Variants in ICE2 observed in about 807,000 individuals in gnomAD.
ICE2 encodes the protein little elongation complex subunit 2.
ICE2 carries 87 observed loss-of-function variants against 105.4 expected under a neutral mutation model. That is an observed-to-expected ratio of 0.83 (90% CI 0.69 to 0.99). The LOEUF (loss-of-function observed/expected upper bound fraction) is 0.99, where lower values mean the gene tolerates loss of function less well. ICE2 is among the 50% of genes least tolerant of loss of function. The probability of loss-of-function intolerance (pLI) is 0.00; values close to 1 mark genes in which losing one functional copy is unlikely to be tolerated. For missense variants in ICE2, 1,323 were observed against 1,146.7 expected, an observed-to-expected ratio of 1.15 and a Z score of -2.22; for synonymous variants, 399 against 392.0, an observed-to-expected ratio of 1.02 and a Z score of -0.21.
chr15:60,459,239 A>C (rs931041208), intron 5 of ICE2, among the ~76,000 whole-genome samples: 1 of 152,206 alleles, frequency 6.6e-6, no homozygotes, highest in African/African-American at 2.4e-5. Flanking sequence ...TTTATTAAAA[A>C]GCATATTTTT....
intron 6 of ICE2, among the ~76,000 whole-genome samples, chr15:60,456,101 TG>T (rs1013456249): frequency 5.3e-5 from 8 of 151,432 alleles, no homozygotes; most frequent in Admixed American, 5.3e-4. Context: ...TTCAGATGGG[TG>T]GTAAGAAAAG....
At chr15:60,454,980 A>G in intron 8 of ICE2, 23 bp downstream of exon 8, 1 of 1,525,872 alleles carries the variant, frequency 6.6e-7, no homozygotes, top group Non-Finnish European at 8.7e-7. Flanking sequence ...TGAGAGCATT[A>G]TTTGACATAG....
At chr15:60,426,887 ATT>A (rs2063350142) in intron 15 of ICE2, among the ~76,000 whole-genome samples, 1 of 152,220 alleles carries the variant, frequency 6.6e-6, no homozygotes, top group Non-Finnish European at 1.5e-5. Flanking sequence ...TTCTTCAATT[ATT>A]TTTGAGTTAC....
At position 60,448,988 on chromosome 15, in the gene ICE2, G is replaced by A. The variant is rs2141061367; in HGVS notation, c.1979C>T (p.Ser660Phe). The change falls in exon 10 of 16, where the codon TCC becomes TTC. Residue 660 changes from serine (S) to phenylalanine (F), a missense_variant. Ser to Phe is a radical substitution (Grantham distance 155). Coordinates refer to ENST00000261520, the MANE Select transcript of ICE2 (RefSeq NM_024611.6). ...TAAGGGCAATTCTGGTACTTTTCTG[G>A]AAATTGGCTTTAAGAGCTCATCCTG... ...KMQDELLKPI[S>F]RKVPELPLMN... 2 of 1,613,986 alleles carry A rather than the reference G, an allele frequency of 1.2e-6. No homozygotes were observed. The highest frequency in any genetic ancestry group is 2.2e-5 in the East Asian group (1 of 44,868).
chr15:60,437,819 CT>C (rs561675107), intron 12 of ICE2: 211 of 141,312 alleles, frequency 1.5e-3, no homozygotes, highest in Non-Finnish European at 1.6e-3. Context: ...TCCCAGCTAT[CT>C]TTTTTTTTTT....
In ICE2 at chr15:60,453,634, T is replaced by C. The variant is rs376651824; in HGVS notation, c.1094A>G (p.Asp365Gly). 1.2e-6 allele frequency: 2 copies of C among 1,613,380 alleles called. No individual in the cohort carries two copies. Among genetic ancestry groups the C allele is most frequent in the African/African-American group, 1.3e-5 (1 of 74,920 alleles). Residue 365 changes from aspartate to glycine, a missense_variant, in exon 9 of 16, where the codon GAC (aspartate) becomes GGC (glycine). Transcript: ENST00000261520. ...TSVPVSAVFM[D>G]KPEEFISEMD... ...TTCAGATATAAACTCTTCAGGTTTG[T>C]CCATAAAGACTGCAGAGACTGGAAC...
rs1003214447 is a variant in ICE2 at position 60,420,370 on chromosome 15, A to G, written c.*3264T>C. ...ATTCTTGCTGCTTTAATTCTGGGCC[A>G]TTGCCATTTTTCAGTTACTACAACA... On this transcript the variant is annotated 3_prime_UTR_variant, in exon 16 of 16. Transcript: ENST00000261520. 1 of 151,154 alleles carries G rather than the reference A, an allele frequency of 6.6e-6. No individual in the cohort carries two copies. The highest frequency in any genetic ancestry group is 1.5e-5 in the Non-Finnish European group (1 of 67,874). 9.4% of individuals were successfully genotyped at this position (151,154 alleles called of 1,614,324 possible).
chr15:60,426,191 T>C (rs982829998), intron 15 of ICE2, among the ~76,000 whole-genome samples: 3 of 152,218 alleles, frequency 2.0e-5, no homozygotes, highest in Non-Finnish European at 2.9e-5. Context: ...ATGAACTACA[T>C]ATACAACAGT....
chr15:60,440,511 A>C (rs780629459), intron 12 of ICE2: 3 of 152,184 alleles, frequency 2.0e-5, no homozygotes, highest in Admixed American at 1.3e-4. Context: ...CAAACAAATC[A>C]CAAGTGTGTT....
intron 11 of ICE2, among the ~76,000 whole-genome samples, chr15:60,446,743 T>C (rs1273737857): frequency 6.6e-6 from 1 of 152,090 alleles, no homozygotes; most frequent in East Asian, 1.9e-4. Context: ...TCCACAATGA[T>C]CAATAGTAGA....
At chr15:60,458,121 T>G (rs1224201503) in intron 5 of ICE2, among the ~76,000 whole-genome samples, 1 of 152,148 alleles carries the variant, frequency 6.6e-6, no homozygotes, top group Non-Finnish European at 1.5e-5. Flanking sequence ...CTCTGATACA[T>G]TATACAATTA....
intron 15 of ICE2, among the ~76,000 whole-genome samples, chr15:60,425,750 T>G (rs770981885): frequency 2.0e-5 from 3 of 152,186 alleles, no homozygotes; most frequent in Non-Finnish European, 4.4e-5. Context: ...TTCATATAGG[T>G]CTTACTTCCC....
chr15:60,427,675 C>T (rs1172833181), intron 15 of ICE2, among the ~76,000 whole-genome samples: 1 of 152,184 alleles, frequency 6.6e-6, no homozygotes, highest in Admixed American at 6.5e-5. Context: ...CCTTGGCCTC[C>T]CAAAGTCCTG....
chr15:60,448,365 C>G (rs944461786), intron 10 of ICE2, among the ~76,000 whole-genome samples: 4 of 152,128 alleles, frequency 2.6e-5, no homozygotes, highest in Non-Finnish European at 5.9e-5. Flanking sequence ...TTTTAACTTT[C>G]ACTAACTCTA....
Position 60,420,913 on chromosome 15 carries a change from G to A in ICE2, c.*2721C>T, listed in dbSNP as rs1287014305. 1 of 152,112 alleles carries A rather than the reference G, an allele frequency of 6.6e-6. No homozygotes were observed. The highest frequency in any genetic ancestry group is 2.4e-5 in the African/African-American group (1 of 41,402). The allele number at this position is 152,112 out of a possible 1,614,324, so 9.4% of individuals were successfully genotyped here. ...GCTAAGCAACTACATGACAGGCACTGTATTAGGTGTTTATTACTTAATGGT... is the reference window on the plus strand; with the variant it reads ...GCTAAGCAACTACATGACAGGCACTATATTAGGTGTTTATTACTTAATGGT... On this transcript the variant is annotated 3_prime_UTR_variant, in exon 16 of 16. Coordinates refer to ENST00000261520, the MANE Select transcript of ICE2 (RefSeq NM_024611.6).
intron 3 of ICE2, among the ~76,000 whole-genome samples, chr15:60,470,251 A>C (rs1043276063): frequency 1.3e-5 from 2 of 152,224 alleles, no homozygotes; most frequent in Non-Finnish European, 2.9e-5. Flanking sequence ...ACATCAACAC[A>C]ATGGGACTAT....
At chr15:60,478,746 G>T in intron 1 of ICE2, 1 of 350,788 alleles carries the variant, frequency 2.9e-6, no homozygotes, top group Non-Finnish European at 5.7e-6. Context: ...TCGACCCAGT[G>T]TGGAGCTGGG....
At chr15:60,474,816 G>A (rs1465153516) in intron 3 of ICE2, among the ~76,000 whole-genome samples, 1 of 152,108 alleles carries the variant, frequency 6.6e-6, no homozygotes, top group Non-Finnish European at 1.5e-5. Context: ...GAAAACTTGA[G>A]CATGTTCAAA....
intron 5 of ICE2, among the ~76,000 whole-genome samples, chr15:60,464,689 T>C (rs1364785529): frequency 7.0e-6 from 1 of 142,340 alleles, no homozygotes; most frequent in Non-Finnish European, 1.5e-5. Flanking sequence ...GGATGGGGGA[T>C]GGGAGGGAGG....
Sources: gnomAD v4.1 joint callset for allele counts (sites outside exome capture counted in the v4.1 genomes callset) on GRCh38, gnomAD v4.1.1 for gene constraint, MANE v1.5 for transcripts, NCBI Gene and HGNC (gene_info 2026-07-23, HGNC 2026-07-21) for gene names.